The following TMCO5A variants were observed in gnomAD, a reference collection of about 807,000 sequenced individuals.
TMCO5A encodes the protein transmembrane and coiled-coil domain-containing protein 5A.
In TMCO5A, 34 loss-of-function variants were observed where a neutral mutation model predicts 42.3. The ratio of observed to expected loss-of-function variants is 0.80; its 90% CI spans 0.61 to 1.07. TMCO5A has a LOEUF of 1.07. Among genes scored for constraint, TMCO5A ranks in the 50% least tolerant of loss-of-function variants. The probability of loss-of-function intolerance (pLI) is 0.00; values close to 1 mark genes in which losing one functional copy is unlikely to be tolerated. For missense variants in TMCO5A, 357 were observed against 327.9 expected, an observed-to-expected ratio of 1.09 and a Z score of -0.69; for synonymous variants, 131 against 115.6, an observed-to-expected ratio of 1.13 and a Z score of -0.86.
chr15:38,005,264 G>GAAA, the TMCO5A span, among the ~76,000 whole-genome samples: 3 of 89,308 alleles, frequency 3.4e-5, no homozygotes, highest in Non-Finnish European at 5.1e-5. Context: ...GTACTTGACA[G>GAAA]AAAAAAAAAA....
chr15:37,968,569 C>G (rs1311431675), downstream of TMCO5A, among the ~76,000 whole-genome samples: 1 of 151,282 alleles, frequency 6.6e-6, no homozygotes, highest in Non-Finnish European at 1.5e-5. Context: ...AACATCTCTA[C>G]ACTTCTACAT....
intron 2 of TMCO5A, 162 bp from the exon 3 acceptor site, chr15:37,936,152 T>C (rs147117574): frequency 7.5e-6 from 6 of 799,770 alleles, no homozygotes; most frequent in Admixed American, 3.4e-5. Flanking sequence ...GAAACAGTTG[T>C]AGAGCATGAT....
the TMCO5A span, chr15:38,040,108 A>C: frequency 6.6e-6 from 1 of 152,284 alleles, no homozygotes; most frequent in Non-Finnish European, 1.5e-5. Context: ...ATCAAGGCAC[A>C]AGGAGAGTCT....
At chr15:37,948,478 A>G (rs1196809928) in intron 11 of TMCO5A, among the ~76,000 whole-genome samples, 1 of 152,118 alleles carries the variant, frequency 6.6e-6, no homozygotes, top group Non-Finnish European at 1.5e-5. Flanking sequence ...CATACCAGAT[A>G]AATGAAATAT....
chr15:37,936,350 A>C lies in TMCO5A; in HGVS notation c.27A>C (p.Ser9=). The change falls in exon 3 of 12, where the codon TCA becomes TCC. Residue 9 remains serine, a synonymous_variant. Coordinates refer to ENST00000319669, the MANE Select transcript of TMCO5A (RefSeq NM_152453.4). Reference sequence around the variant, plus strand: ...TGGAAATCTCAAGATTGGCTCAGTCAAAAAGAAACATTATCAGTTTGAACA... The same window carrying C: ...TGGAAATCTCAAGATTGGCTCAGTCCAAAAGAAACATTATCAGTTTGAACA... MEISRLAQ[S]KRNIISLNMD... 1 of 1,612,668 alleles carries C rather than the reference A, an allele frequency of 6.2e-7. No homozygotes were observed. The highest frequency in any genetic ancestry group is 2.2e-5 in the East Asian group (1 of 44,796).
At chr15:38,022,508 A>C in the TMCO5A span, among the ~76,000 whole-genome samples, 1 of 152,176 alleles carries the variant, frequency 6.6e-6, no homozygotes, top group Non-Finnish European at 1.5e-5. Context: ...AGAAGAGAGG[A>C]CTAGGCAGAG....
the TMCO5A span, among the ~76,000 whole-genome samples, chr15:37,981,861 G>T: frequency 6.6e-6 from 1 of 152,162 alleles, no homozygotes; most frequent in Non-Finnish European, 1.5e-5. Context: ...GGCTATAGAT[G>T]CCAGCAGCTG....
At chr15:37,971,638 A>T (rs926502322), downstream of TMCO5A, among the ~76,000 whole-genome samples, 1 of 152,220 alleles carries the variant, frequency 6.6e-6, no homozygotes, top group Non-Finnish European at 1.5e-5. Context: ...CAATGTTTTT[A>T]ACAGCACCCA....
intron 11 of TMCO5A, among the ~76,000 whole-genome samples, chr15:37,957,710 T>A (rs539615027): frequency 1.6e-4 from 25 of 152,244 alleles, no homozygotes; most frequent in Middle Eastern, 3.4e-3. Flanking sequence ...AAGCTACCAC[T>A]GACTTTATTC....
downstream of TMCO5A, among the ~76,000 whole-genome samples, chr15:37,972,247 C>T (rs1213287908): frequency 6.6e-6 from 1 of 152,062 alleles, no homozygotes; most frequent in African/African-American, 2.4e-5. Flanking sequence ...TTTTTAATAC[C>T]ATCTCCTGAG....
chr15:38,039,677 A>C, the TMCO5A span, among the ~76,000 whole-genome samples: 17 of 152,234 alleles, frequency 1.1e-4, no homozygotes, highest in African/African-American at 3.9e-4. Context: ...TGTGATAATC[A>C]TACTGATAAG....
intron 10 of TMCO5A, among the ~76,000 whole-genome samples, chr15:37,947,090 T>C (rs1020994726): frequency 2.6e-5 from 4 of 152,156 alleles, no homozygotes; most frequent in African/African-American, 9.6e-5. Context: ...CAGAGGCCTT[T>C]TATGCATCTA....
the TMCO5A span, among the ~76,000 whole-genome samples, chr15:37,979,458 A>T: frequency 6.6e-6 from 1 of 152,148 alleles, no homozygotes; most frequent in African/African-American, 2.4e-5. Flanking sequence ...CACACGACAG[A>T]TCAAGAAATC....
At chr15:37,981,739 A>C in the TMCO5A span, among the ~76,000 whole-genome samples, 1 of 152,220 alleles carries the variant, frequency 6.6e-6, no homozygotes, top group Non-Finnish European at 1.5e-5. Context: ...CTGGGAAGGT[A>C]ACATTTTTAT....
At chr15:38,032,681 C>G in the TMCO5A span, among the ~76,000 whole-genome samples, 137 of 152,306 alleles carry the variant, frequency 9.0e-4, 1 homozygote, top group East Asian at 0.023. Context: ...AGACAGGCTA[C>G]AGCAGAGGCC....
At chr15:38,031,300 C>T in the TMCO5A span, among the ~76,000 whole-genome samples, 1 of 152,116 alleles carries the variant, frequency 6.6e-6, no homozygotes, top group Non-Finnish European at 1.5e-5. Flanking sequence ...GTTCCATTAC[C>T]ACTTGTGGTA....
chr15:37,943,125 A>G (rs1889810495), intron 9 of TMCO5A: 1 of 407,676 alleles, frequency 2.5e-6, no homozygotes. Flanking sequence ...GTTAGTAGGT[A>G]AAACTAACTA....
chr15:38,000,663 C>G, the TMCO5A span, among the ~76,000 whole-genome samples: 1 of 152,002 alleles, frequency 6.6e-6, no homozygotes, highest in African/African-American at 2.4e-5. Context: ...ATCCTTTCCT[C>G]TTAGTACTGC....
At chr15:38,017,980 C>T in the TMCO5A span, among the ~76,000 whole-genome samples, 2 of 152,256 alleles carry the variant, frequency 1.3e-5, no homozygotes, top group South Asian at 4.1e-4. Flanking sequence ...GGAAGATGTG[C>T]CTTGCTTCCC....
Sources: allele counts gnomAD v4.1 joint callset (sites outside exome capture counted in the v4.1 genomes callset), GRCh38; gene constraint gnomAD v4.1.1; transcripts MANE v1.5; gene names NCBI Gene and HGNC (gene_info 2026-07-23, HGNC 2026-07-21).